PRELID2: variants seen among roughly 807,000 people sequenced by gnomAD.
PRELID2 encodes the protein PRELI domain containing 2.
In PRELID2, 25 loss-of-function variants were observed where a neutral mutation model predicts 28.4. The observed-to-expected ratio is 0.88, with a 90% confidence interval of 0.64 to 1.23. PRELID2 has a LOEUF of 1.23. PRELID2 is among the 50% of genes most tolerant of loss of function. The probability of loss-of-function intolerance (pLI) is 0.00; values close to 1 mark genes in which losing one functional copy is unlikely to be tolerated. For missense variants in PRELID2, 201 were observed against 214.4 expected (o/e 0.94, Z 0.39); for synonymous variants, 76 against 71.6 (o/e 1.06, Z -0.31).
At chr5:145,503,928 A>G (rs1238759520) in intron 1 of PRELID2, among the ~76,000 whole-genome samples, 1 of 152,212 alleles carries the variant, frequency 6.6e-6, no homozygotes, top group East Asian at 1.9e-4. Flanking sequence ...CTCACAGCAC[A>G]TTGTGAAAAG....
At chr5:145,561,006 T>C (rs1439079987) in intron 1 of PRELID2, among the ~76,000 whole-genome samples, 1 of 151,636 alleles carries the variant, frequency 6.6e-6, no homozygotes, top group Non-Finnish European at 1.5e-5. Flanking sequence ...TAGGACTGTT[T>C]CACTTTTTTT....
At chr5:145,366,325 T>C in the PRELID2 span, among the ~76,000 whole-genome samples, 1 of 151,900 alleles carries the variant, frequency 6.6e-6, no homozygotes, top group South Asian at 2.1e-4. Flanking sequence ...CATGCACGTT[T>C]ATACCTTCCA....
At chr5:145,504,304 G>T (rs1183061579) in intron 1 of PRELID2, among the ~76,000 whole-genome samples, 1 of 152,152 alleles carries the variant, frequency 6.6e-6, no homozygotes, top group African/African-American at 2.4e-5. Context: ...TTGATATGAA[G>T]ATTGAAGTAG....
chr5:145,764,428 A>T (rs1581156726), intron 6 of PRELID2, among the ~76,000 whole-genome samples: 1 of 152,224 alleles, frequency 6.6e-6, no homozygotes, highest in East Asian at 1.9e-4. Flanking sequence ...CCTGGGAATT[A>T]CTCTCAAGAC....
At chr5:145,733,468 T>TA (rs1314304532) in intron 1 of PRELID2, among the ~76,000 whole-genome samples, 4 of 152,298 alleles carry the variant, frequency 2.6e-5, no homozygotes, top group East Asian at 1.9e-4. Flanking sequence ...GGAAAAGCTT[T>TA]AAAAAACAGC....
intron 2 of PRELID2, 93 bp from the exon 3 acceptor site, chr5:145,820,111 TTTTTGTTTTTTG>T (rs1754666378): frequency 5.1e-6 from 3 of 584,178 alleles, no homozygotes; most frequent in Admixed American, 8.1e-5. Flanking sequence ...GTTTTTTTGT[TTTTTGTTTTTTG>T]TTTTTTTTTT....
At chr5:145,542,288 A>G (rs1404854994) in intron 1 of PRELID2, among the ~76,000 whole-genome samples, 1 of 152,140 alleles carries the variant, frequency 6.6e-6, no homozygotes, top group African/African-American at 2.4e-5. Flanking sequence ...AATGCTTCCA[A>G]TAGCAAATAG....
the PRELID2 span, among the ~76,000 whole-genome samples, chr5:145,317,408 A>G: frequency 6.6e-6 from 1 of 152,238 alleles, no homozygotes; most frequent in Non-Finnish European, 1.5e-5. Flanking sequence ...GTGGCCCCAG[A>G]GAGCAAGCCC....
the PRELID2 span, among the ~76,000 whole-genome samples, chr5:145,318,641 G>A: frequency 6.6e-6 from 1 of 152,208 alleles, no homozygotes; most frequent in Non-Finnish European, 1.5e-5. Context: ...GGGGGAGCAT[G>A]CAGATGGGCA....
chr5:145,614,708 T>C (rs1217134086), intron 1 of PRELID2, among the ~76,000 whole-genome samples: 1 of 152,232 alleles, frequency 6.6e-6, no homozygotes, highest in African/African-American at 2.4e-5. Context: ...GAATTATTTA[T>C]ACGTTCTAGA....
chr5:145,443,893 G>C, the PRELID2 span, among the ~76,000 whole-genome samples: 2 of 152,104 alleles, frequency 1.3e-5, no homozygotes, highest in South Asian at 2.1e-4. Context: ...GAAAATATGA[G>C]AGAGTGGGAA....
intron 1 of PRELID2, among the ~76,000 whole-genome samples, chr5:145,644,384 C>A (rs1320622543): frequency 2.0e-5 from 3 of 151,650 alleles, no homozygotes; most frequent in Non-Finnish European, 4.4e-5. Flanking sequence ...TTTATTGCAT[C>A]TATTTGATTC....
the PRELID2 span, among the ~76,000 whole-genome samples, chr5:145,346,485 CTAAATTG>C: frequency 6.6e-6 from 1 of 152,082 alleles, no homozygotes; most frequent in Non-Finnish European, 1.5e-5. Flanking sequence ...AGATAATGCA[CTAAATTG>C]TTTTAGAATG....
chr5:145,584,760 G>A (rs2149627106), intron 1 of PRELID2, among the ~76,000 whole-genome samples: 1 of 152,120 alleles, frequency 6.6e-6, no homozygotes, highest in African/African-American at 2.4e-5. Flanking sequence ...TCAGAATGGT[G>A]ATTATTAAAA....
At chr5:145,540,960 T>C (rs1752740457) in intron 1 of PRELID2, among the ~76,000 whole-genome samples, 1 of 151,930 alleles carries the variant, frequency 6.6e-6, no homozygotes, top group Non-Finnish European at 1.5e-5. Flanking sequence ...CTGGAAAGTA[T>C]TTACAAGTAA....
the PRELID2 span, among the ~76,000 whole-genome samples, chr5:145,270,724 T>C: frequency 2.0e-5 from 3 of 152,166 alleles, no homozygotes; most frequent in Non-Finnish European, 4.4e-5. Flanking sequence ...GATAATAATG[T>C]CCTATTACTT....
At chr5:145,291,341 A>G in the PRELID2 span, among the ~76,000 whole-genome samples, 4 of 148,936 alleles carry the variant, frequency 2.7e-5, 1 homozygote, top group South Asian at 8.5e-4. Flanking sequence ...GTTTCAGAAA[A>G]AAAAAAAAAA....
intron 2 of PRELID2, among the ~76,000 whole-genome samples, chr5:145,822,193 T>C (rs1754877572): frequency 6.6e-6 from 1 of 152,154 alleles, no homozygotes; most frequent in African/African-American, 2.4e-5. Context: ...ATTGACTATG[T>C]GCATTGTCAC....
intron 1 of PRELID2, among the ~76,000 whole-genome samples, chr5:145,646,237 A>G (rs891562854): frequency 6.6e-6 from 1 of 151,888 alleles, no homozygotes; most frequent in African/African-American, 2.4e-5. Context: ...GTTCCTTTTC[A>G]TTGTTTTTTC....
Sources: gnomAD v4.1 joint callset for allele counts (sites outside exome capture counted in the v4.1 genomes callset) on GRCh38, gnomAD v4.1.1 for gene constraint, MANE v1.5 for transcripts, NCBI Gene and HGNC (gene_info 2026-07-23, HGNC 2026-07-21) for gene names.